SP140: variants seen among roughly 807,000 people sequenced by gnomAD.
SP140 encodes the protein nuclear body protein SP140.
A neutral mutation model predicts 125.0 loss-of-function variants in SP140; 81 were observed. The ratio of observed to expected loss-of-function variants is 0.65; its 90% CI spans 0.54 to 0.78. SP140 has a LOEUF of 0.78. Among genes scored for constraint, SP140 ranks in the 30% least tolerant of loss-of-function variants. The pLI, the probability that SP140 is intolerant of heterozygous loss-of-function variation, is 0.00. For synonymous variants in SP140, 312 were observed against 354.0 expected, an observed-to-expected ratio of 0.88 and a Z score of 1.33; for missense variants, 858 against 1,037.0, an observed-to-expected ratio of 0.83 and a Z score of 2.37.
intron 1 of SP140, among the ~76,000 whole-genome samples, chr2:230,231,027 G>T (rs1574887793): frequency 1.3e-5 from 2 of 151,922 alleles, no homozygotes; most frequent in East Asian, 3.9e-4. Context: ...CCTTGGCCAT[G>T]TCCAGGCTAC....
chr2:230,253,512 C>T, intron 11 of SP140, 95 bp downstream of exon 11: 1 of 894,758 alleles, frequency 1.1e-6, no homozygotes, highest in Non-Finnish European at 1.8e-6. Context: ...CTACCCTTCT[C>T]TTCTTCACAT....
At chr2:230,248,699 G>A (rs1273151680) in intron 8 of SP140, among the ~76,000 whole-genome samples, 186 bp from the exon 9 acceptor site, 2 of 152,166 alleles carry the variant, frequency 1.3e-5, no homozygotes, top group Non-Finnish European at 2.9e-5. Flanking sequence ...ATTATGTGGA[G>A]GCAGAACGGT....
intron 15 of SP140, among the ~76,000 whole-genome samples, chr2:230,271,199 G>A (rs2053869646): frequency 6.6e-6 from 1 of 152,188 alleles, no homozygotes; most frequent in South Asian, 2.1e-4. Context: ...ATTTGTTATG[G>A]CAGCAATTAA....
In SP140 at chr2:230,237,776, G is replaced by T. The variant is rs549719303; in HGVS notation, c.238-437G>T. Among the ~76,000 whole-genome samples the T allele has an allele frequency of 3.9e-5, 6 of 152,282 alleles. No homozygotes were observed. Among genetic ancestry groups the T allele is most frequent in the Middle Eastern group, 3.4e-3 (1 of 294 alleles). ...AGTGGATGCCCTTAGGGATACTGAGGACAAGGCTTCTTCTTGTCTTTGTGA... is the reference window on the plus strand; with the variant it reads ...AGTGGATGCCCTTAGGGATACTGAGTACAAGGCTTCTTCTTGTCTTTGTGA... On this transcript the variant is annotated intron_variant, in intron 2 of 26. Coordinates refer to ENST00000392045, the MANE Select transcript of SP140 (RefSeq NM_007237.5). The surrounding 1 kb of genome is among the most constrained non-coding windows in gnomAD (Gnocchi z 5.4).
At chr2:230,300,113 C>A (rs146265659) in intron 22 of SP140, among the ~76,000 whole-genome samples, 1 of 152,280 alleles carries the variant, frequency 6.6e-6, no homozygotes, top group Non-Finnish European at 1.5e-5. Flanking sequence ...ATCCAGTGAA[C>A]TTAGGTCAAG....
intron 12 of SP140, among the ~76,000 whole-genome samples, chr2:230,257,772 A>G (rs1018499349): frequency 2.0e-5 from 3 of 152,208 alleles, no homozygotes; most frequent in Non-Finnish European, 4.4e-5. Flanking sequence ...TCTCAGAAGA[A>G]AAAAAGAAAA....
intron 3 of SP140, among the ~76,000 whole-genome samples, chr2:230,215,486 G>A (rs2045036995): frequency 6.6e-6 from 1 of 152,172 alleles, no homozygotes; most frequent in South Asian, 2.1e-4. Flanking sequence ...CTTCAGCAAT[G>A]GTTCTAGTGA....
At chr2:230,216,587 T>C (rs376614181) in intron 3 of SP140, among the ~76,000 whole-genome samples, 3 of 152,220 alleles carry the variant, frequency 2.0e-5, no homozygotes, top group African/African-American at 7.2e-5. Context: ...ACAGCAGTCC[T>C]TATGACACCC....
chr2:230,312,743 T>C lies in SP140; in HGVS notation c.*59T>C. 7.6e-7 allele frequency: 1 copy of C among 1,312,944 alleles called. No individual in the cohort carries two copies. The highest frequency in any genetic ancestry group is 1.8e-4 in the Middle Eastern group (1 of 5,426). The allele number at this position is 1,312,944 out of a possible 1,614,324, so 81.3% of individuals were successfully genotyped here. On this transcript the variant is annotated 3_prime_UTR_variant, in exon 27 of 27. Transcript: ENST00000392045. Reference sequence around the variant, plus strand: ...TGGCACCCTAAAATATGCCGCTGGTTTGCCACTGACTTCAAAATGAGGTCA... The same window carrying C: ...TGGCACCCTAAAATATGCCGCTGGTCTGCCACTGACTTCAAAATGAGGTCA...
chr2:230,287,637 T>G (rs935772354), intron 17 of SP140, among the ~76,000 whole-genome samples: 3 of 152,222 alleles, frequency 2.0e-5, no homozygotes, highest in African/African-American at 7.2e-5. Flanking sequence ...ATTTATACTT[T>G]TGCTTGAGAT....
downstream of SP140, among the ~76,000 whole-genome samples, chr2:230,314,262 AC>A (rs2059465641): frequency 1.3e-5 from 2 of 151,852 alleles, no homozygotes; most frequent in Admixed American, 1.3e-4. Flanking sequence ...CCCCCACCCA[AC>A]TCCCGATTTT....
rs2051020373 is a variant in SP140 at position 230,255,466 on chromosome 2, T to C, written c.1174T>C (p.Cys392Arg). ...CCTTTCTGCAGAGGGCAGTGATGAC[T>C]GTTCGGAAATGTGTGATGGAGAAGA... ...PGEGEEGSDD[C>R]SEMCDGEERQ... Residue 392 changes from cysteine to arginine, a missense_variant, in exon 12 of 27, where the codon TGT becomes CGT. Physicochemically the swap from Cys to Arg is radical, Grantham distance 180 (BLOSUM62 -3). Coordinates refer to ENST00000392045, the MANE Select transcript of SP140 (RefSeq NM_007237.5). 8 of 1,613,972 alleles carry C rather than the reference T, an allele frequency of 5.0e-6. No individual in the cohort carries two copies. In the Middle Eastern group the frequency reaches 5.0e-4, roughly 100 times the overall value.
In SP140 at chr2:230,257,706, G is replaced by A. The variant is rs145091185; in HGVS notation, c.1240+2174G>A. 7.4e-3 allele frequency among the ~76,000 whole-genome samples: 1,127 copies of A among 152,322 alleles called. 15 individuals are homozygous for A. Among genetic ancestry groups the A allele is most frequent in the Middle Eastern group, 0.017 (5 of 294 alleles). ...TGCTTGAACCCGGGATGTGGAGGTT[G>A]CAGTCAGCTGAGATCACATCACTGC... On this transcript the variant is annotated intron_variant, in intron 12 of 26. Coordinates refer to ENST00000392045, the MANE Select transcript of SP140 (RefSeq NM_007237.5).
At chr2:230,273,588 A>G (rs1174945211) in intron 15 of SP140, among the ~76,000 whole-genome samples, 1 of 152,182 alleles carries the variant, frequency 6.6e-6, no homozygotes, top group Non-Finnish European at 1.5e-5. Flanking sequence ...CAGCAATCCT[A>G]TTACTGAGTA....
chr2:230,269,984 G>A, intron 14 of SP140, 31 bp downstream of exon 14: 1 of 1,450,290 alleles, frequency 6.9e-7, no homozygotes, highest in South Asian at 1.1e-5. Flanking sequence ...TGGGATGGGG[G>A]TGGCTCAGTG....
intron 12 of SP140, 67 bp downstream of exon 12, chr2:230,255,599 G>C: frequency 6.9e-7 from 1 of 1,447,328 alleles, no homozygotes; most frequent in South Asian, 1.1e-5. Context: ...TTTGGAGCTC[G>C]TGTTTCCTGA....
At chr2:230,207,898 A>G in intron 1 of SP140, 1 of 708,902 alleles carries the variant, frequency 1.4e-6, no homozygotes, top group Non-Finnish European at 2.6e-6. Context: ...TTCCCATTGC[A>G]TTTAGAATAA....
Position 230,269,931 on chromosome 2 carries a change from T to C in SP140, c.1422T>C (p.Ser474=). The C allele has an allele frequency of 6.2e-7, 1 of 1,613,674 alleles. No homozygotes were observed. Among genetic ancestry groups the C allele is most frequent in the Non-Finnish European group, 8.5e-7 (1 of 1,179,652 alleles). The change falls in exon 14 of 27, where the codon AGT becomes AGC. Residue 474 remains serine, a synonymous_variant. Coordinates refer to ENST00000392045, the MANE Select transcript of SP140 (RefSeq NM_007237.5). ...GAAGCCCAGAAGCAAGGACGGAAAG[T>C]GATCAAGCGTGTGGCACAATGGGTA... The part of the protein sequence containing the change: ...VPGSPEARTE[S]DQACGTMDTV...
intron 21 of SP140, among the ~76,000 whole-genome samples, chr2:230,295,049 T>C (rs192048207): frequency 1.3e-5 from 2 of 152,048 alleles, no homozygotes; most frequent in East Asian, 3.9e-4. Context: ...GCAGACCTGC[T>C]TTTTATCTGT....
Sources: allele counts gnomAD v4.1 joint callset (sites outside exome capture counted in the v4.1 genomes callset), GRCh38; gene constraint gnomAD v4.1.1; non-coding constraint Gnocchi (gnomAD v3.1); transcripts MANE v1.5; gene names NCBI Gene and HGNC (gene_info 2026-07-23, HGNC 2026-07-21).